The following MYOF variants were observed in gnomAD, a reference collection of about 807,000 sequenced individuals.
MYOF encodes myoferlin, also known as fer-1-like 3, myoferlin.
In MYOF, 244 loss-of-function variants were observed where a neutral mutation model predicts 284.2. The ratio of observed to expected loss-of-function variants is 0.86; its 90% confidence interval spans 0.77 to 0.95. The LOEUF is 0.95. MYOF is among the 40% of genes least tolerant of loss of function. The pLI is 0.00. For synonymous variants in MYOF, 904 were observed against 919.7 expected, an observed-to-expected ratio of 0.98 and a Z score of 0.31; for missense variants, 2,496 against 2,560.6, an observed-to-expected ratio of 0.97 and a Z score of 0.54.
chr10:93,402,962 A>G (rs1847370936), intron 9 of MYOF, 72 bp from the exon 10 acceptor site: 1 of 1,300,630 alleles, frequency 7.7e-7, no homozygotes, highest in African/African-American at 1.5e-5. Context: ...AGAAGCCATC[A>G]TTATATTTAA....
At position 93,470,332 on chromosome 10, in the gene MYOF, C is replaced by T. The variant is rs540162972; in HGVS notation, c.88+11775G>A. On this transcript the variant is annotated intron_variant, in intron 1 of 53. Coordinates refer to ENST00000359263, the MANE Select transcript of MYOF (RefSeq NM_013451.4). Reference sequence around the variant, plus strand: ...GTGAAGCATGTAGCACAGTGCTTAACAGCCAGTAAACCATCACCATCAATA... The same window carrying T: ...GTGAAGCATGTAGCACAGTGCTTAATAGCCAGTAAACCATCACCATCAATA... Among the ~76,000 whole-genome samples, 3 of 152,150 alleles carry T rather than the reference C, an allele frequency of 2.0e-5. No individual in the cohort carries two copies. In the South Asian group the frequency reaches 6.2e-4, roughly 32 times the overall value.
At chr10:93,384,706 G>A (rs1274732254) in intron 19 of MYOF, among the ~76,000 whole-genome samples, 5 of 151,992 alleles carry the variant, frequency 3.3e-5, no homozygotes, top group Non-Finnish European at 7.4e-5. Flanking sequence ...TGGGGTTAGG[G>A]CCTTGGGGCT....
chr10:93,317,812 C>T (rs1358775600), intron 49 of MYOF, among the ~76,000 whole-genome samples: 1 of 152,208 alleles, frequency 6.6e-6, no homozygotes, highest in Non-Finnish European at 1.5e-5. Context: ...CTCAGGTACA[C>T]CTAAGTTCCT....
At chr10:93,391,328 C>T (rs1299655064) in intron 17 of MYOF, among the ~76,000 whole-genome samples, 5 of 151,874 alleles carry the variant, frequency 3.3e-5, no homozygotes, top group Admixed American at 6.6e-5. Flanking sequence ...TGGTGGCTCA[C>T]GCCTGTAATC....
At chr10:93,386,735 G>T (rs1846383765) in intron 19 of MYOF, among the ~76,000 whole-genome samples, 1 of 152,200 alleles carries the variant, frequency 6.6e-6, no homozygotes, top group South Asian at 2.1e-4. Context: ...AATGAGCAAG[G>T]CCACATTGCT....
Position 93,378,693 on chromosome 10 carries a change from G to GTGTGTGTA in MYOF, c.2001+1169_2001+1170insTACACACA. Among the ~76,000 whole-genome samples, 57 of 87,842 alleles carry GTGTGTGTA rather than the reference G, an allele frequency of 6.5e-4. 2 individuals are homozygous for GTGTGTGTA. Among genetic ancestry groups the GTGTGTGTA allele is most frequent in the East Asian group, 2.4e-3 (3 of 1,230 alleles). 57.6% of individuals were successfully genotyped at this position (87,842 alleles called of 152,430 possible). ...TATGTGTGTGTGTATGTGTGTGTGT[G>GTGTGTGTA]TATATATATATATATATATATATGT... On this transcript the variant is annotated intron_variant, in intron 21 of 53. Coordinates refer to ENST00000359263, the MANE Select transcript of MYOF (RefSeq NM_013451.4).
At chr10:93,430,408 T>C (rs964131467) in intron 4 of MYOF, among the ~76,000 whole-genome samples, 8 of 151,346 alleles carry the variant, frequency 5.3e-5, no homozygotes, top group Non-Finnish European at 1.2e-4. Flanking sequence ...ATGGTGAAAC[T>C]CCATCTCTAC....
chr10:93,314,648 T>C lies in MYOF; in HGVS notation c.5699-1438A>G, dbSNP rs151161568. ...ATAAGACACGTGACCTTAGCCTTTC[T>C]TGACCTATGACTGCTTTTGTCTCCC... is the stretch of plus-strand genomic sequence containing the variant. On this transcript the variant is annotated intron_variant, in intron 50 of 53. Coordinates refer to ENST00000359263, the MANE Select transcript of MYOF (RefSeq NM_013451.4). Among the ~76,000 whole-genome samples, 228 of 152,368 alleles carry C rather than the reference T, an allele frequency of 1.5e-3. 1 individual carries two copies. Among genetic ancestry groups the C allele is most frequent in the African/African-American group, 4.8e-3 (200 of 41,588 alleles).
At chr10:93,389,662 G>T (rs1205920479) in intron 17 of MYOF, among the ~76,000 whole-genome samples, 1 of 152,098 alleles carries the variant, frequency 6.6e-6, no homozygotes. Context: ...CCTGCCTGTG[G>T]TTGTAAGACC....
rs1187374809 is a variant in MYOF, at chr10:93,326,078, G to A, written c.5132-113C>T. On this transcript the variant is annotated intron_variant, in intron 45 of 53. Coordinates refer to ENST00000359263, the MANE Select transcript of MYOF (RefSeq NM_013451.4). Reference sequence around the variant, plus strand: ...CAGACTTTGCCAAAATGGACAGGCAGTGCCAACATGCAAACTTTGACTTGT... The same window carrying A: ...CAGACTTTGCCAAAATGGACAGGCAATGCCAACATGCAAACTTTGACTTGT... 3.0e-6 allele frequency: 4 copies of A among 1,325,472 alleles called. No individual in the cohort carries two copies. In the African/African-American group the frequency reaches 5.9e-5, roughly 20 times the overall value. 82.1% of individuals were successfully genotyped at this position (1,325,472 alleles called of 1,614,324 possible).
At chr10:93,431,151 C>A (rs1252616846) in intron 4 of MYOF, among the ~76,000 whole-genome samples, 1 of 151,726 alleles carries the variant, frequency 6.6e-6, no homozygotes. Flanking sequence ...GCCTCAGCCT[C>A]CCAAGTAGCT....
chr10:93,312,711 A>C (rs942322000), intron 51 of MYOF, among the ~76,000 whole-genome samples: 3 of 152,066 alleles, frequency 2.0e-5, no homozygotes, highest in Non-Finnish European at 4.4e-5. Flanking sequence ...TTGTACTAGA[A>C]GCCTAGCATT....
intron 12 of MYOF, 151 bp from the exon 13 acceptor site, chr10:93,399,646 G>A (rs187199836): frequency 7.0e-4 from 419 of 595,606 alleles, no homozygotes; most frequent in African/African-American, 7.0e-3. Context: ...GGCCAAGGCT[G>A]GTGGATCATG....
intron 5 of MYOF, among the ~76,000 whole-genome samples, chr10:93,414,408 G>A (rs940438493): frequency 5.3e-5 from 8 of 152,024 alleles, no homozygotes; most frequent in Non-Finnish European, 8.8e-5. Flanking sequence ...GTGTGGTGGC[G>A]TGCACCTGTG....
intron 41 of MYOF, 59 bp from the exon 42 acceptor site, chr10:93,333,972 T>A: frequency 6.4e-7 from 1 of 1,552,002 alleles, no homozygotes; most frequent in Admixed American, 2.0e-5. Flanking sequence ...AGAGGGCTCC[T>A]GGGAAGTCCC....
intron 3 of MYOF, among the ~76,000 whole-genome samples, chr10:93,441,704 C>T (rs1303575708): frequency 6.6e-6 from 1 of 151,668 alleles, no homozygotes; most frequent in African/African-American, 2.4e-5. Flanking sequence ...GCTGGGATTA[C>T]AGGCGCTTGC....
chr10:93,379,658 C>T (rs1266280903), intron 21 of MYOF, among the ~76,000 whole-genome samples: 1 of 152,130 alleles, frequency 6.6e-6, no homozygotes, highest in Non-Finnish European at 1.5e-5. Flanking sequence ...GGCAGAGCAA[C>T]CGGGGGTAAG....
At chr10:93,433,612 A>G (rs1848970596) in intron 3 of MYOF, among the ~76,000 whole-genome samples, 2 of 152,256 alleles carry the variant, frequency 1.3e-5, no homozygotes, top group Non-Finnish European at 2.9e-5. Flanking sequence ...ATGCCAAAAT[A>G]TCCGGGTGAG....
At chr10:93,475,749 T>C (rs539061742) in intron 1 of MYOF, among the ~76,000 whole-genome samples, 1 of 152,168 alleles carries the variant, frequency 6.6e-6, no homozygotes, top group South Asian at 2.1e-4. Flanking sequence ...ACACCCGTGA[T>C]TAGAAAGGAA....
Sources: allele counts gnomAD v4.1 joint callset (sites outside exome capture counted in the v4.1 genomes callset), GRCh38; gene constraint gnomAD v4.1.1; transcripts MANE v1.5; gene names NCBI Gene and HGNC (gene_info 2026-07-23, HGNC 2026-07-21).